Variants in OSBPL6 observed in about 807,000 individuals in gnomAD.
The protein encoded by OSBPL6 is oxysterol-binding protein-related protein 6.
OSBPL6 carries 49 observed loss-of-function variants against 125.8 expected under a neutral mutation model. The observed-to-expected ratio is 0.39, with a 90% CI of 0.31 to 0.49. OSBPL6 has a LOEUF of 0.49. OSBPL6 is among the 20% of genes least tolerant of loss of function. OSBPL6 has a pLI of 0.88. For missense variants in OSBPL6, 986 were observed against 1,135.4 expected (o/e 0.87, Z 1.89); for synonymous variants, 394 against 391.8 (o/e 1.01, Z -0.07).
At chr2:178,324,462 C>G (rs1204129429) in intron 4 of OSBPL6, among the ~76,000 whole-genome samples, 193 bp downstream of exon 4, 1 of 152,158 alleles carries the variant, frequency 6.6e-6, no homozygotes, top group East Asian at 1.9e-4. Context: ...AGAATGTATA[C>G]TTTGCTGGGA....
At chr2:178,290,053 G>A (rs191888803) in intron 2 of OSBPL6, among the ~76,000 whole-genome samples, 181 of 152,084 alleles carry the variant, frequency 1.2e-3, no homozygotes, top group African/African-American at 3.7e-3. Flanking sequence ...TACCCCATCC[G>A]TTTTTTTCAC....
Position 178,284,911 on chromosome 2 carries a change from A to T in OSBPL6, c.-350-16A>T, listed in dbSNP as rs1363069072. 1.0e-5 allele frequency: 4 copies of T among 397,234 alleles called. No homozygotes were observed. Among genetic ancestry groups the T allele is most frequent in the African/African-American group, 2.1e-5 (1 of 48,574 alleles). 24.6% of individuals were successfully genotyped at this position (397,234 alleles called of 1,614,324 possible). On this transcript the variant is annotated splice_polypyrimidine_tract_variant and intron_variant, in intron 1 of 24. Coordinates refer to ENST00000190611, the MANE Select transcript of OSBPL6 (RefSeq NM_032523.4). ...TTGTAAAGATGTACTATATGACTGT[A>T]ATCTCTCTTTTTCAGGTTCTGCCAC...
intron 1 of OSBPL6, among the ~76,000 whole-genome samples, chr2:178,214,457 A>G (rs1389155204): frequency 6.6e-6 from 1 of 152,168 alleles, no homozygotes; most frequent in Non-Finnish European, 1.5e-5. Context: ...GCAAGTACAA[A>G]ATCAATCCGT....
rs1691581644 is a variant in OSBPL6 at position 178,354,437 on chromosome 2, C to G, written c.1153+5048C>G. On this transcript the variant is annotated intron_variant, in intron 12 of 24. Coordinates refer to ENST00000190611, the MANE Select transcript of OSBPL6 (RefSeq NM_032523.4). ...GCAAAAAAAAAGCAGGGGTTGCAAT[C>G]CTAGTCTCTGATAAAACAGACTTTA... Among the ~76,000 whole-genome samples, 5 of 152,232 alleles carry G rather than the reference C, an allele frequency of 3.3e-5. No individual in the cohort carries two copies. The South Asian group carries it at 1.0e-3, about 32-fold the overall frequency.
chr2:178,208,020 C>G (rs918520891), intron 1 of OSBPL6, among the ~76,000 whole-genome samples: 1 of 152,064 alleles, frequency 6.6e-6, no homozygotes, highest in Non-Finnish European at 1.5e-5. Context: ...CATGGTGGCT[C>G]ATGCCTGTAA....
chr2:178,370,993 A>T (rs1379528683), intron 13 of OSBPL6, among the ~76,000 whole-genome samples: 1 of 152,194 alleles, frequency 6.6e-6, no homozygotes, highest in African/African-American at 2.4e-5. Flanking sequence ...GGGTGTTTTA[A>T]TAGGTACAGA....
intron 13 of OSBPL6, among the ~76,000 whole-genome samples, chr2:178,369,736 T>C (rs916212048): frequency 5.3e-5 from 8 of 152,198 alleles, no homozygotes; most frequent in Non-Finnish European, 1.0e-4. Context: ...TTAATGAACA[T>C]GGGGTAAGAT....
intron 1 of OSBPL6, among the ~76,000 whole-genome samples, chr2:178,202,481 T>C (rs1307077463): frequency 6.6e-6 from 1 of 152,230 alleles, no homozygotes. Context: ...AAATCTATTA[T>C]CCTTATCTTT....
At chr2:178,387,243 C>A (rs547446375) in intron 20 of OSBPL6, 104 bp downstream of exon 20, 38 of 873,356 alleles carry the variant, frequency 4.4e-5, no homozygotes, top group Non-Finnish European at 5.6e-5. Context: ...CTCTTTATAC[C>A]CAAACTTCTG....
At chr2:178,369,715 C>T (rs1056644170) in intron 13 of OSBPL6, among the ~76,000 whole-genome samples, 4 of 152,128 alleles carry the variant, frequency 2.6e-5, no homozygotes, top group Admixed American at 6.5e-5. Flanking sequence ...TACCTGTAGG[C>T]ATGATCACAT....
At chr2:178,269,576 T>G (rs145270099) in intron 1 of OSBPL6, among the ~76,000 whole-genome samples, 85 of 152,278 alleles carry the variant, frequency 5.6e-4, no homozygotes, top group Admixed American at 1.6e-3. Context: ...TCATTTAAAA[T>G]GTATAAAGAC....
intron 13 of OSBPL6, among the ~76,000 whole-genome samples, chr2:178,364,389 G>T (rs1319070280): frequency 6.6e-6 from 1 of 152,220 alleles, no homozygotes; most frequent in Admixed American, 6.5e-5. Context: ...GGGAGGCAAG[G>T]CTAGTTGGAC....
chr2:178,271,949 T>C (rs1168230692), intron 1 of OSBPL6, among the ~76,000 whole-genome samples: 1 of 152,226 alleles, frequency 6.6e-6, no homozygotes, highest in African/African-American at 2.4e-5. Flanking sequence ...GTCTGTTCTT[T>C]CATCTGGTTT....
chr2:178,305,638 T>C (rs1430433819), intron 2 of OSBPL6, among the ~76,000 whole-genome samples: 2 of 152,230 alleles, frequency 1.3e-5, no homozygotes, highest in African/African-American at 2.4e-5. Flanking sequence ...ATACATGACA[T>C]AGCTAAACTA....
intron 4 of OSBPL6, among the ~76,000 whole-genome samples, chr2:178,327,493 A>G (rs1427499790): frequency 6.6e-6 from 1 of 152,206 alleles, no homozygotes; most frequent in African/African-American, 2.4e-5. Context: ...ACATAGATGG[A>G]GATTATTTTC....
chr2:178,250,957 A>AT (rs1277732736), intron 1 of OSBPL6, among the ~76,000 whole-genome samples: 1 of 151,720 alleles, frequency 6.6e-6, no homozygotes, highest in Non-Finnish European at 1.5e-5. Flanking sequence ...AAATATTGGA[A>AT]TAAAAAAAAA....
Position 178,237,247 on chromosome 2 carries a change from G to A in OSBPL6, c.-351+42573G>A, listed in dbSNP as rs182520303. Reference sequence around the variant, plus strand: ...GGGGGCTGTTCCAAGTGTTTTCCTCGCCAAGACCCTACTTCTGTCCCCATA... The same window carrying A: ...GGGGGCTGTTCCAAGTGTTTTCCTCACCAAGACCCTACTTCTGTCCCCATA... On this transcript the variant is annotated intron_variant, in intron 1 of 24. Coordinates refer to ENST00000190611, the MANE Select transcript of OSBPL6 (RefSeq NM_032523.4). Among the ~76,000 whole-genome samples the A allele has an allele frequency of 2.6e-3, 401 of 152,166 alleles. 2 individuals carry two copies. Among genetic ancestry groups the A allele is most frequent in the African/African-American group, 6.9e-3 (285 of 41,532 alleles).
intron 1 of OSBPL6, among the ~76,000 whole-genome samples, chr2:178,269,451 T>C (rs140270925): frequency 3.9e-5 from 6 of 152,370 alleles, no homozygotes; most frequent in African/African-American, 1.2e-4. Context: ...ATTGGTACCT[T>C]TAGAAGATGT....
At chr2:178,306,992 G>A (rs334609) in intron 3 of OSBPL6, among the ~76,000 whole-genome samples, 147,819 of 152,274 alleles carry the variant, frequency 0.97, 71,786 homozygotes, top group Non-Finnish European at 0.98. Context: ...GTCTGAGCAT[G>A]ATTATTTTCC....
Sources: gnomAD v4.1 joint callset for allele counts (sites outside exome capture counted in the v4.1 genomes callset) on GRCh38, gnomAD v4.1.1 for gene constraint, MANE v1.5 for transcripts, NCBI Gene and HGNC (gene_info 2026-07-23, HGNC 2026-07-21) for gene names.